Variants in PSMF1 observed in about 807,000 individuals in gnomAD.
PSMF1 encodes proteasome inhibitor subunit 1.
Under a neutral mutation model 29.3 loss-of-function variants are expected in PSMF1, and 30 were observed. The ratio of observed to expected loss-of-function variants is 1.02; its 90% CI spans 0.77 to 1.39. The LOEUF (loss-of-function observed/expected upper bound fraction) is 1.39, where lower values mean the gene tolerates loss of function less well. Ranked by LOEUF, PSMF1 falls within the 40% of genes most tolerant of loss-of-function variation. The probability of loss-of-function intolerance (pLI) is 0.00; values close to 1 mark genes in which losing one functional copy is unlikely to be tolerated. For missense variants in PSMF1, 344 were observed against 357.5 expected (o/e 0.96, Z 0.31); for synonymous variants, 134 against 139.7 (o/e 0.96, Z 0.29).
chr20:1,161,927 T>G (rs748151525), intron 4 of PSMF1, among the ~76,000 whole-genome samples: 19 of 152,374 alleles, frequency 1.2e-4, no homozygotes, highest in East Asian at 1.9e-4. Flanking sequence ...TGTTTAATAC[T>G]CTACATATCT....
chr20:1,125,792 A>G, intron 2 of PSMF1, 142 bp downstream of exon 2: 3 of 1,139,038 alleles, frequency 2.6e-6, no homozygotes, highest in Non-Finnish European at 3.8e-6. Context: ...CTTTATCTTA[A>G]GGTGAGAACC....
chr20:1,155,769 CAG>C (rs1331828659), intron 4 of PSMF1, among the ~76,000 whole-genome samples: 1 of 152,218 alleles, frequency 6.6e-6, no homozygotes, highest in Non-Finnish European at 1.5e-5. Flanking sequence ...CCTATACAAA[CAG>C]AACTGACATT....
chr20:1,125,430 C>T lies in PSMF1; in HGVS notation c.130-68C>T, dbSNP rs1450768126. ...TGAGGTGGGTAAGATTAGCTTATCT[C>T]GTGAGGTTCTTTATAGTTCTGTGTT... On this transcript the variant is annotated intron_variant, in intron 1 of 6. Coordinates refer to ENST00000335877, the MANE Select transcript of PSMF1 (RefSeq NM_006814.5). The T allele has an allele frequency of 8.8e-6, 13 of 1,475,016 alleles. No individual in the cohort carries two copies. The South Asian group carries it at 9.8e-5, about 11-fold the overall frequency. The allele number at this position is 1,475,016 out of a possible 1,614,324, so 91.4% of individuals were successfully genotyped here. A position where few individuals can be genotyped will look rare whatever the true frequency, so the allele number is the denominator to read the frequency against.
At chr20:1,157,450 G>A (rs535715838) in intron 4 of PSMF1, among the ~76,000 whole-genome samples, 6 of 152,140 alleles carry the variant, frequency 3.9e-5, no homozygotes, top group East Asian at 1.9e-4. Flanking sequence ...ACTATCCTTC[G>A]TACAACTAGA....
At chr20:1,117,896 T>C (rs202054127), upstream of PSMF1, 4 of 152,198 alleles carry the variant, frequency 2.6e-5, no homozygotes, top group East Asian at 1.9e-4. Flanking sequence ...AAATAAATGA[T>C]TGAAATTTGA....
rs777003948 is a variant in PSMF1, at chr20:1,135,243, C to T, written c.488C>T (p.Ala163Val). 97 of 1,613,992 alleles carry T rather than the reference C, an allele frequency of 6.0e-5. No homozygotes were observed. The highest frequency in any genetic ancestry group is 7.5e-5 in the Non-Finnish European group (88 of 1,180,008). ...CACCGGGAGTTCCCCCCTGCTACCG[C>T]CAGAGAGGTGGACCCACTCCGGATT... ...SPHREFPPAT[A>V]REVDPLRIPP... Residue 163 changes from alanine (A) to valine (V), a missense_variant, in exon 4 of 7, where the codon GCC (alanine) becomes GTC (valine). Transcript: ENST00000335877.
At position 1,125,384 on chromosome 20, in the gene PSMF1, T is replaced by G. The variant is rs556465221; in HGVS notation, c.130-114T>G. The G allele has an allele frequency of 2.1e-5, 25 of 1,171,686 alleles. No homozygotes were observed. In the African/African-American group the frequency reaches 3.7e-4, roughly 17 times the overall value. The allele number at this position is 1,171,686 out of a possible 1,614,324, so 72.6% of individuals were successfully genotyped here. On this transcript the variant is annotated intron_variant, in intron 1 of 6. Transcript: ENST00000335877. ...CTTGGGCAAGTCATTTCTCTTGACC[T>G]CCACATCTTCATCTGTGAAGTGAGG... is the stretch of plus-strand genomic sequence containing the variant.
At position 1,169,829 on chromosome 20, in the gene PSMF1, G is replaced by C. The variant is rs1344382560; in HGVS notation, c.*4749G>C. ...TGGTACTGGCATGGAATATTGGGGA[G>C]ATGTCTTTATTCCCTCTTCCCACCT... On this transcript the variant is annotated 3_prime_UTR_variant, in exon 7 of 7. Coordinates refer to ENST00000335877, the MANE Select transcript of PSMF1 (RefSeq NM_006814.5). Among the ~76,000 whole-genome samples the C allele has an allele frequency of 1.3e-5, 2 of 152,188 alleles. No homozygotes were observed. The highest frequency in any genetic ancestry group is 2.9e-5 in the Non-Finnish European group (2 of 68,036).
Position 1,170,454 on chromosome 20 carries a change from T to C in PSMF1, c.*5374T>C, listed in dbSNP as rs947569321. 2.4e-4 allele frequency among the ~76,000 whole-genome samples: 36 copies of C among 152,208 alleles called. No homozygotes were observed. The highest frequency in any genetic ancestry group is 8.2e-4 in the African/African-American group (34 of 41,444). On this transcript the variant is annotated 3_prime_UTR_variant, in exon 7 of 7. Coordinates refer to ENST00000335877, the MANE Select transcript of PSMF1 (RefSeq NM_006814.5). The stretch of plus-strand genomic sequence containing the variant: ...GCCCCCATGGGTCACTTAGATGTGT[T>C]TCATGTTATCTTTAAAAATGCAGCA...
rs565772374 is a variant in PSMF1, at chr20:1,163,460, G to A, written c.605+277G>A. Among the ~76,000 whole-genome samples, 1 of 152,302 alleles carries A rather than the reference G, an allele frequency of 6.6e-6. No homozygotes were observed. Among genetic ancestry groups the A allele is most frequent in the South Asian group, 2.1e-4 (1 of 4,826 alleles). Reference sequence around the variant, plus strand: ...CCCTGCCCACCCTAGTTTATCAGATGTATAGTGAGGAGCACATGGTGGGCC... The same window carrying A: ...CCCTGCCCACCCTAGTTTATCAGATATATAGTGAGGAGCACATGGTGGGCC... On this transcript the variant is annotated intron_variant, in intron 5 of 6. Transcript: ENST00000335877. This position sits in a 1 kb window ranked among gnomAD's most constrained non-coding sequence, Gnocchi z 6.1.
At chr20:1,133,104 G>T (rs2086252529) in intron 3 of PSMF1, among the ~76,000 whole-genome samples, 1 of 150,658 alleles carries the variant, frequency 6.6e-6, no homozygotes, top group South Asian at 2.1e-4. Flanking sequence ...CAGTGGTCAG[G>T]ATGTCCAATA....
At chr20:1,132,962 T>G (rs2086249437) in intron 3 of PSMF1, among the ~76,000 whole-genome samples, 1 of 78,040 alleles carries the variant, frequency 1.3e-5, no homozygotes, top group Non-Finnish European at 3.0e-5. Flanking sequence ...GTGTTTAGGG[T>G]TTTTTTGTTT....
chr20:1,138,107 A>T (rs937058839), intron 4 of PSMF1, among the ~76,000 whole-genome samples: 1 of 152,216 alleles, frequency 6.6e-6, no homozygotes, highest in South Asian at 2.1e-4. Context: ...TCCTCCAAAA[A>T]ATAGAAGAGG....
chr20:1,162,777 T>C (rs2086682665), intron 4 of PSMF1, among the ~76,000 whole-genome samples: 1 of 152,198 alleles, frequency 6.6e-6, no homozygotes. Flanking sequence ...ATTTTGGTTT[T>C]GGGTTTAAGA....
Position 1,171,246 on chromosome 20 carries a change from G to T in PSMF1, c.*6166G>T, listed in dbSNP as rs1194879487. 6.6e-6 allele frequency among the ~76,000 whole-genome samples: 1 copy of T among 152,130 alleles called. No homozygotes were observed. The highest frequency in any genetic ancestry group is 2.1e-4 in the South Asian group (1 of 4,824). ...AGTGCCCAGAGCACCTGGTTAGGAG[G>T]AGCATCTGAAACCACCTGCACAACC... On this transcript the variant is annotated 3_prime_UTR_variant, in exon 7 of 7. Transcript: ENST00000335877.
intron 4 of PSMF1, among the ~76,000 whole-genome samples, chr20:1,148,194 G>A (rs1044454442): frequency 1.4e-4 from 22 of 152,312 alleles, no homozygotes; most frequent in Middle Eastern, 3.4e-3. Context: ...TACTGGGTGC[G>A]TCTAGGCTAG....
chr20:1,123,532 CAT>C, intron 1 of PSMF1, among the ~76,000 whole-genome samples: 1 of 152,082 alleles, frequency 6.6e-6, no homozygotes, highest in East Asian at 1.9e-4. Flanking sequence ...TTCTTTAAAT[CAT>C]ATTTTTTCTT....
intron 4 of PSMF1, among the ~76,000 whole-genome samples, chr20:1,144,078 A>G (rs2086417706): frequency 6.6e-6 from 1 of 151,990 alleles, no homozygotes; most frequent in Non-Finnish European, 1.5e-5. Context: ...ACAGAGCAAG[A>G]CTCCGTCCCC....
intron 4 of PSMF1, among the ~76,000 whole-genome samples, chr20:1,135,656 C>T (rs774038942): frequency 1.3e-5 from 2 of 152,180 alleles, no homozygotes; most frequent in Non-Finnish European, 2.9e-5. Flanking sequence ...AGCTTTTTGT[C>T]TAGACAGGGC....
Sources: gnomAD v4.1 joint callset for allele counts (sites outside exome capture counted in the v4.1 genomes callset) on GRCh38, gnomAD v4.1.1 for gene constraint, Gnocchi (gnomAD v3.1) non-coding constraint, MANE v1.5 for transcripts, NCBI Gene and HGNC (gene_info 2026-07-23, HGNC 2026-07-21) for gene names.